The following MAP1B variants were observed in gnomAD, a reference collection of about 807,000 sequenced individuals.
MAP1B encodes microtubule-associated protein 1B.
MAP1B carries 12 observed loss-of-function variants against 176.1 expected under a neutral mutation model. The ratio of observed to expected loss-of-function variants is 0.07; its 90% confidence interval spans 0.04 to 0.11. MAP1B has a LOEUF of 0.11. MAP1B is among the 10% of genes least tolerant of loss of function. MAP1B has a pLI of 1.00. For missense variants in MAP1B, 2,523 were observed against 2,990.5 expected (o/e 0.84, Z 3.65); for synonymous variants, 1,044 against 1,135.0 (o/e 0.92, Z 1.61).
At chr5:72,111,526 T>A (rs1745340202) in intron 1 of MAP1B, among the ~76,000 whole-genome samples, 1 of 152,244 alleles carries the variant, frequency 6.6e-6, no homozygotes, top group Non-Finnish European at 1.5e-5. Context: ...AGATTTGGGG[T>A]TTAGTTTTCC....
intron 1 of MAP1B, among the ~76,000 whole-genome samples, chr5:72,108,688 C>G (rs959773902): frequency 6.6e-6 from 1 of 152,130 alleles, no homozygotes; most frequent in Non-Finnish European, 1.5e-5. Context: ...CACCTGCCCC[C>G]CCACACTGCG....
chr5:72,175,340 A>C (rs879605081), intron 2 of MAP1B, among the ~76,000 whole-genome samples: 1 of 151,408 alleles, frequency 6.6e-6, no homozygotes, highest in Admixed American at 6.6e-5. Flanking sequence ...ATCACCCTTC[A>C]CTCCATGTGC....
Position 72,107,590 on chromosome 5 carries a change from C to T in MAP1B, c.59C>T (p.Pro20Leu), listed in dbSNP as rs1745106511. ...EPEPSGSIAN[P>L]AASTSPSLSH... ...GAGCCGTCCGGCAGCATCGCCAACC[C>T]GGCGGCGTCCACCTCGCCTAGCCTG... The change falls in exon 1 of 7, where the codon CCG becomes CTG. Residue 20 changes from proline (P) to leucine (L), a missense_variant. Physicochemically the swap from Pro to Leu is moderately conservative, Grantham distance 98. This residue lies in a region of MAP1B where 307 missense variants were observed against 438.4 expected (regional missense o/e 0.70). Transcript: ENST00000296755. 2 of 1,593,508 alleles carry T rather than the reference C, an allele frequency of 1.3e-6. No homozygotes were observed. Among genetic ancestry groups the T allele is most frequent in the South Asian group, 1.1e-5 (1 of 89,836 alleles).
chr5:72,161,896 G>T (rs1402998725), intron 2 of MAP1B, among the ~76,000 whole-genome samples: 1 of 145,508 alleles, frequency 6.9e-6, no homozygotes, highest in Non-Finnish European at 1.5e-5. Context: ...GGCGGAGGTT[G>T]CAGTGAGCCG....
Position 72,196,555 on chromosome 5 carries a change from C to T in MAP1B, c.3200C>T (p.Thr1067Ile), listed in dbSNP as rs767749531. ...GAGGAGCAGTATGGATTCCTCACCA[C>T]ACCAACCAAGCAACTAGGAGCCCAG... The part of the protein sequence containing the change: ...GAEEQYGFLT[T>I]PTKQLGAQSP... The change falls in exon 5 of 7, where the codon ACA becomes ATA. Residue 1067 changes from threonine to isoleucine, a missense_variant. Thr to Ile is a moderately conservative substitution (Grantham distance 89). This residue lies in a region of MAP1B where 1,925 missense variants were observed against 2,126.0 expected (regional missense o/e 0.91). Transcript: ENST00000296755. The surrounding 1 kb of genome is among the most constrained non-coding windows in gnomAD (Gnocchi z 5.3). 2 of 1,613,752 alleles carry T rather than the reference C, an allele frequency of 1.2e-6. No individual in the cohort carries two copies. Among genetic ancestry groups the T allele is most frequent in the South Asian group, 1.1e-5 (1 of 91,074 alleles).
At chr5:72,137,737 C>G (rs1745862032) in intron 2 of MAP1B, among the ~76,000 whole-genome samples, 1 of 152,162 alleles carries the variant, frequency 6.6e-6, no homozygotes, top group Non-Finnish European at 1.5e-5. Flanking sequence ...ACTATACTTT[C>G]TCTTATTAAC....
chr5:72,133,048 C>T (rs1231356667), intron 2 of MAP1B, among the ~76,000 whole-genome samples: 1 of 152,180 alleles, frequency 6.6e-6, no homozygotes. Flanking sequence ...AGGTGTATAA[C>T]CTCCACCCTG....
rs534481306 is a variant in MAP1B, at chr5:72,199,251, C to T, written c.5896C>T (p.Pro1966Ser). ...SYDISEKTTS[P>S]PEVSGYSYEK... ...TGACATAAGTGAAAAGACCACCAGC[C>T]CCCCCGAAGTGAGTGGTTACAGCTA... The change falls in exon 5 of 7, where the codon CCC becomes TCC. Residue 1966 changes from proline (P) to serine (S), a missense_variant. This residue lies in a region of MAP1B where 1,925 missense variants were observed against 2,126.0 expected (regional missense o/e 0.91). Coordinates refer to ENST00000296755, the MANE Select transcript of MAP1B (RefSeq NM_005909.5). This position sits in a 1 kb window ranked among gnomAD's most constrained non-coding sequence, Gnocchi z 4.2. 7 of 1,613,842 alleles carry T rather than the reference C, an allele frequency of 4.3e-6. No homozygotes were observed. The Admixed American group carries it at 6.7e-5, about 15-fold the overall frequency.
chr5:72,127,597 A>T (rs1021513309), intron 2 of MAP1B, among the ~76,000 whole-genome samples: 3 of 152,230 alleles, frequency 2.0e-5, no homozygotes, highest in African/African-American at 7.2e-5. Flanking sequence ...CCCAGAACTT[A>T]AAGTATAATT....
Position 72,186,346 on chromosome 5 carries a change from G to A in MAP1B, c.370-268G>A, listed in dbSNP as rs41272274. Among the ~76,000 whole-genome samples the A allele has an allele frequency of 3.5e-4, 54 of 152,208 alleles. No individual in the cohort carries two copies. Among genetic ancestry groups the A allele is most frequent in the Non-Finnish European group, 7.2e-4 (49 of 68,044 alleles). On this transcript the variant is annotated intron_variant, in intron 3 of 6. Transcript: ENST00000296755. This position sits in a 1 kb window ranked among gnomAD's most constrained non-coding sequence, Gnocchi z 4.3. ...AACTAGGGGGAGAAAGTCAACTATC[G>A]CTACTGTCGTGATTGTAGAGAAACT...
At chr5:72,179,803 C>T (rs537814773) in intron 2 of MAP1B, 75 of 985,374 alleles carry the variant, frequency 7.6e-5, no homozygotes, top group Admixed American at 1.8e-4. Flanking sequence ...TCTTGGTGCA[C>T]GTCTGTGCCA....
chr5:72,180,390 G>T (rs1354437827), intron 2 of MAP1B, among the ~76,000 whole-genome samples: 1 of 152,120 alleles, frequency 6.6e-6, no homozygotes, highest in African/African-American at 2.4e-5. Flanking sequence ...TGCCTTTGAA[G>T]CTCTTGAAAT....
rs1186461593 is a variant in MAP1B at position 72,208,988 on chromosome 5, C to T, written c.*3749C>T. The T allele has an allele frequency of 1.3e-5, 2 of 152,072 alleles. No homozygotes were observed. The highest frequency in any genetic ancestry group is 2.9e-5 in the Non-Finnish European group (2 of 68,020). The allele number at this position is 152,072 out of a possible 1,614,324, so 9.4% of individuals were successfully genotyped here. ...TCTTTTAACCAACTGAACAATACAC[C>T]AAAAGCAGCCTAGGGATGAGCATTT... On this transcript the variant is annotated 3_prime_UTR_variant, in exon 7 of 7. Transcript: ENST00000296755.
At chr5:72,155,783 T>TC (rs1324907269) in intron 2 of MAP1B, among the ~76,000 whole-genome samples, 3 of 150,828 alleles carry the variant, frequency 2.0e-5, no homozygotes, top group African/African-American at 7.3e-5. Flanking sequence ...TTTTTTTTTT[T>TC]TGAGACGGAG....
chr5:72,165,870 C>A (rs760231485), intron 2 of MAP1B, among the ~76,000 whole-genome samples: 5 of 152,156 alleles, frequency 3.3e-5, no homozygotes, highest in African/African-American at 9.7e-5. Flanking sequence ...TGTGCTGTGA[C>A]AGAGCAAGCT....
intron 2 of MAP1B, among the ~76,000 whole-genome samples, chr5:72,137,719 G>T (rs746426149): frequency 2.0e-5 from 3 of 152,178 alleles, no homozygotes; most frequent in Non-Finnish European, 2.9e-5. Context: ...GCTTTGAGAT[G>T]ATTCAGAACT....
intron 1 of MAP1B, among the ~76,000 whole-genome samples, chr5:72,110,931 T>C (rs1002081055): frequency 2.0e-5 from 3 of 152,236 alleles, no homozygotes; most frequent in Non-Finnish European, 2.9e-5. Context: ...AGATGGTCCC[T>C]CTTGCTTTCT....
intron 2 of MAP1B, among the ~76,000 whole-genome samples, chr5:72,180,129 G>C (rs1746735986): frequency 6.6e-6 from 1 of 152,178 alleles, no homozygotes; most frequent in African/African-American, 2.4e-5. Flanking sequence ...AGCGGGCTCA[G>C]GGCGTTGTGT....
Position 72,208,964 on chromosome 5 carries a change from C to A in MAP1B, c.*3725C>A, listed in dbSNP as rs1328470269. On this transcript the variant is annotated 3_prime_UTR_variant, in exon 7 of 7. Coordinates refer to ENST00000296755, the MANE Select transcript of MAP1B (RefSeq NM_005909.5). ...TTTGAAAGGAACTGTAAGCTTTTAT[C>A]TTTTAACCAACTGAACAATACACCA... 1.3e-5 allele frequency: 2 copies of A among 152,064 alleles called. No individual in the cohort carries two copies. The highest frequency in any genetic ancestry group is 2.1e-4 in the South Asian group (1 of 4,818). The allele number at this position is 152,064 out of a possible 1,614,324, so 9.4% of individuals were successfully genotyped here. A position where few individuals can be genotyped will look rare whatever the true frequency, so the allele number is the denominator to read the frequency against.
Sources: allele counts gnomAD v4.1 joint callset (sites outside exome capture counted in the v4.1 genomes callset), GRCh38; gene constraint gnomAD v4.1.1; regional missense constraint gnomAD v4.1.1; non-coding constraint Gnocchi (gnomAD v3.1); transcripts MANE v1.5; gene names NCBI Gene and HGNC (gene_info 2026-07-23, HGNC 2026-07-21).